SCD5: variants seen among roughly 807,000 people sequenced by gnomAD.
SCD5 encodes the protein stearoyl-CoA desaturase 5.
Under a neutral mutation model 30.4 loss-of-function variants are expected in SCD5, and 20 were observed. That is an observed-to-expected ratio of 0.66 (90% CI 0.46 to 0.96). SCD5 has a LOEUF of 0.96. Ranked by LOEUF, SCD5 falls within the 40% of genes least tolerant of loss-of-function variation. The pLI, the probability that SCD5 is intolerant of heterozygous loss-of-function variation, is 0.00. For synonymous variants in SCD5, 173 were observed against 176.4 expected, an observed-to-expected ratio of 0.98 and a Z score of 0.16; for missense variants, 381 against 443.3, an observed-to-expected ratio of 0.86 and a Z score of 1.26.
At chr4:82,692,642 T>C (rs976333966) in intron 2 of SCD5, among the ~76,000 whole-genome samples, 1 of 152,210 alleles carries the variant, frequency 6.6e-6, no homozygotes, top group African/African-American at 2.4e-5. Context: ...TCACCACTGC[T>C]GGGGGGTGCC....
chr4:82,735,398 G>C (rs1317213869), intron 1 of SCD5, among the ~76,000 whole-genome samples: 1 of 152,200 alleles, frequency 6.6e-6, no homozygotes, highest in Non-Finnish European at 1.5e-5. Context: ...CTTGTGCCTT[G>C]AGTTGCTGGG....
intron 1 of SCD5, among the ~76,000 whole-genome samples, chr4:82,729,448 G>A (rs747689596): frequency 2.0e-5 from 3 of 152,068 alleles, no homozygotes; most frequent in Non-Finnish European, 4.4e-5. Flanking sequence ...AGCTTCCTGA[G>A]AGCAGCACTC....
At chr4:82,767,844 G>A (rs937275157) in intron 1 of SCD5, among the ~76,000 whole-genome samples, 1 of 152,126 alleles carries the variant, frequency 6.6e-6, no homozygotes, top group Non-Finnish European at 1.5e-5. Context: ...ATGACACTTT[G>A]ATCAGGCTGA....
intron 1 of SCD5, among the ~76,000 whole-genome samples, chr4:82,789,505 C>G (rs1363978529): frequency 6.6e-6 from 1 of 152,206 alleles, no homozygotes; most frequent in African/African-American, 2.4e-5. Context: ...TTTTCTCTAA[C>G]AAGCTCCCAG....
chr4:82,798,732 T>C lies in SCD5; in HGVS notation c.-195A>G, dbSNP rs983981073. ...TAGCGTGGCCTAGGGATGCAGATCT[T>C]GGCGGCCGGCGTCTGTTGCTGGCGT... On this transcript the variant is annotated 5_prime_UTR_variant, in exon 1 of 5. Transcript: ENST00000319540. 2 of 554,080 alleles carry C rather than the reference T, an allele frequency of 3.6e-6. No individual in the cohort carries two copies. Among genetic ancestry groups the C allele is most frequent in the African/African-American group, 2.0e-5 (1 of 49,742 alleles). 34.3% of individuals were successfully genotyped at this position (554,080 alleles called of 1,614,324 possible).
intron 1 of SCD5, among the ~76,000 whole-genome samples, chr4:82,744,301 C>G (rs953112144): frequency 2.6e-5 from 4 of 152,108 alleles, no homozygotes; most frequent in Admixed American, 1.3e-4. Flanking sequence ...TTATATTATC[C>G]TCCCACTCAT....
chr4:82,676,765 T>A (rs1728444971), intron 3 of SCD5, among the ~76,000 whole-genome samples: 3 of 152,246 alleles, frequency 2.0e-5, no homozygotes, highest in Admixed American at 2.0e-4. Context: ...TCATAAGACC[T>A]AGGACAGGGG....
intron 2 of SCD5, among the ~76,000 whole-genome samples, chr4:82,693,897 T>C (rs13148104): frequency 0.91 from 138,732 of 152,246 alleles, 63,338 homozygotes; most frequent in East Asian, 1. Context: ...TTGCACACAC[T>C]GGCCGGACAC....
chr4:82,669,451 T>C (rs1319283910), intron 3 of SCD5, among the ~76,000 whole-genome samples: 2 of 152,170 alleles, frequency 1.3e-5, no homozygotes, highest in African/African-American at 4.8e-5. Context: ...AGATGTGAGA[T>C]TACAGGGAAA....
intron 1 of SCD5, among the ~76,000 whole-genome samples, chr4:82,778,852 T>C (rs1051476400): frequency 2.0e-5 from 3 of 152,018 alleles, no homozygotes; most frequent in African/African-American, 7.2e-5. Flanking sequence ...GGAATTAAGT[T>C]TGCCAACTAG....
intron 4 of SCD5, among the ~76,000 whole-genome samples, chr4:82,632,664 G>A (rs549849308): frequency 6.4e-4 from 98 of 152,268 alleles, no homozygotes; most frequent in African/African-American, 2.1e-3. Context: ...CAGTGTAAAA[G>A]TGTTCCTATT....
intron 4 of SCD5, among the ~76,000 whole-genome samples, chr4:82,635,797 G>GT (rs1411126890): frequency 2.6e-5 from 4 of 152,134 alleles, no homozygotes; most frequent in Non-Finnish European, 5.9e-5. Context: ...TGCCCAGAGA[G>GT]TAAGTGGAGG....
chr4:82,766,311 T>C (rs1407868591), intron 1 of SCD5, among the ~76,000 whole-genome samples: 1 of 152,248 alleles, frequency 6.6e-6, no homozygotes, highest in Non-Finnish European at 1.5e-5. Context: ...GTACTTTTTA[T>C]AGATAATTTC....
At chr4:82,741,844 C>T (rs570022471) in intron 1 of SCD5, among the ~76,000 whole-genome samples, 156 of 9,204 alleles carry the variant, frequency 0.017, no homozygotes, top group African/African-American at 0.07. Flanking sequence ...GAAAAGGGGT[C>T]AGAGTGGGCG....
At position 82,670,695 on chromosome 4, in the gene SCD5, T is replaced by A. The variant is rs183761624; in HGVS notation, c.569+10012A>T. 6.6e-5 allele frequency among the ~76,000 whole-genome samples: 10 copies of A among 151,960 alleles called. No homozygotes were observed. In the East Asian group the frequency reaches 1.9e-3, roughly 29 times the overall value. On this transcript the variant is annotated intron_variant, in intron 3 of 4. Coordinates refer to ENST00000319540, the MANE Select transcript of SCD5 (RefSeq NM_001037582.3). Reference sequence around the variant, plus strand: ...CAAATATCAATTCCATATCAATTGATATGGCAAATATCAATTCCATATCAA... The same window carrying A: ...CAAATATCAATTCCATATCAATTGAAATGGCAAATATCAATTCCATATCAA...
chr4:82,738,927 C>A (rs1720810862), intron 1 of SCD5, among the ~76,000 whole-genome samples: 1 of 152,278 alleles, frequency 6.6e-6, no homozygotes, highest in Non-Finnish European at 1.5e-5. Flanking sequence ...CCAAGATCAC[C>A]CAGCTAGTAA....
At chr4:82,772,001 G>A (rs1340642545) in intron 1 of SCD5, among the ~76,000 whole-genome samples, 5 of 152,176 alleles carry the variant, frequency 3.3e-5, no homozygotes, top group Non-Finnish European at 5.9e-5. Flanking sequence ...GCCCAACTTG[G>A]GGTTTCAGGA....
chr4:82,754,446 T>C (rs567456286), intron 1 of SCD5, among the ~76,000 whole-genome samples: 15 of 139,580 alleles, frequency 1.1e-4, no homozygotes, highest in East Asian at 2.8e-4. Context: ...CAGTGCGTGG[T>C]CACTTGGCTG....
chr4:82,677,812 C>T (rs979601298), intron 3 of SCD5, among the ~76,000 whole-genome samples: 1 of 152,118 alleles, frequency 6.6e-6, no homozygotes, highest in Non-Finnish European at 1.5e-5. Flanking sequence ...CTACGTTTTA[C>T]TAGTTTGCTC....
Sources: gnomAD v4.1 joint callset for allele counts (sites outside exome capture counted in the v4.1 genomes callset) on GRCh38, gnomAD v4.1.1 for gene constraint, MANE v1.5 for transcripts, NCBI Gene and HGNC (gene_info 2026-07-23, HGNC 2026-07-21) for gene names.